Variants in SYT1 observed in about 807,000 individuals in gnomAD.
SYT1 encodes the protein synaptotagmin 1.
SYT1 carries 8 observed loss-of-function variants against 44.8 expected under a neutral mutation model. The observed-to-expected ratio is 0.18, with a 90% confidence interval of 0.10 to 0.32. The LOEUF (loss-of-function observed/expected upper bound fraction) is 0.32, where lower values mean the gene tolerates loss of function less well. Among genes scored for constraint, SYT1 ranks in the 10% least tolerant of loss-of-function variants. SYT1 has a pLI of 1.00. For missense variants in SYT1, 286 were observed against 509.3 expected (o/e 0.56, Z 4.22); for synonymous variants, 154 against 188.8 (o/e 0.82, Z 1.51).
chr12:79,139,196 G>A (rs1036062856), intron 3 of SYT1, among the ~76,000 whole-genome samples: 4 of 152,128 alleles, frequency 2.6e-5, no homozygotes, highest in African/African-American at 7.2e-5. Context: ...TCGGTTTGAG[G>A]TTGAAAGGTT....
intron 1 of SYT1, among the ~76,000 whole-genome samples, chr12:78,887,964 G>T (rs758140042): frequency 1.2e-4 from 18 of 151,624 alleles, no homozygotes; most frequent in Non-Finnish European, 2.5e-4. Context: ...TTTCTAAAGA[G>T]GACTGCTCAA....
At chr12:79,211,633 T>C (rs1176621249) in intron 3 of SYT1, among the ~76,000 whole-genome samples, 1 of 134,356 alleles carries the variant, frequency 7.4e-6, no homozygotes, top group African/African-American at 2.8e-5. Context: ...ATATTCCCCT[T>C]CCTGTGTCCA....
At chr12:79,430,508 G>A (rs952194882) in intron 9 of SYT1, among the ~76,000 whole-genome samples, 10 of 152,146 alleles carry the variant, frequency 6.6e-5, no homozygotes, top group Non-Finnish European at 1.0e-4. Context: ...TAGGAAAGCC[G>A]GGCATGGTGG....
intron 3 of SYT1, among the ~76,000 whole-genome samples, chr12:79,099,695 C>T (rs1363849015): frequency 6.6e-6 from 1 of 151,752 alleles, no homozygotes; most frequent in Admixed American, 6.6e-5. Flanking sequence ...GTGTTAAAAA[C>T]AAACACTGGT....
At chr12:78,931,234 AGAAAGAAGGAAGGAAGGAAGGAAGGAAG>A (rs1877663736) in intron 1 of SYT1, among the ~76,000 whole-genome samples, 7 of 51,428 alleles carry the variant, frequency 1.4e-4, no homozygotes, top group Non-Finnish European at 1.6e-4. Flanking sequence ...AAAGAAAGAA[AGAAAGAAGGAAGGAAGGAAGGAAGGAAG>A]GAAGGAAGGA....
intron 1 of SYT1, among the ~76,000 whole-genome samples, chr12:78,878,148 G>A (rs985950722): frequency 6.6e-6 from 1 of 151,544 alleles, no homozygotes; most frequent in Non-Finnish European, 1.5e-5. Context: ...TTTTTTGTGT[G>A]TGTGTGTGTG....
intron 3 of SYT1, among the ~76,000 whole-genome samples, chr12:79,102,735 T>C (rs1878512406): frequency 1.3e-5 from 2 of 152,166 alleles, no homozygotes; most frequent in East Asian, 3.9e-4. Flanking sequence ...TTGGCTGTCA[T>C]TGATATTTGT....
At chr12:79,137,039 G>A (rs1266071824) in intron 3 of SYT1, among the ~76,000 whole-genome samples, 1 of 151,692 alleles carries the variant, frequency 6.6e-6, no homozygotes, top group African/African-American at 2.4e-5. Context: ...AAACAGTTAG[G>A]TCTAACATTT....
chr12:79,126,920 ACAT>A (rs1868479030), intron 3 of SYT1, among the ~76,000 whole-genome samples: 2 of 152,204 alleles, frequency 1.3e-5, no homozygotes, highest in South Asian at 4.1e-4. Flanking sequence ...GAGAATTAAC[ACAT>A]CATGCTTGTT....
At chr12:79,173,910 C>T (rs1397882424) in intron 3 of SYT1, among the ~76,000 whole-genome samples, 2 of 151,976 alleles carry the variant, frequency 1.3e-5, no homozygotes, top group Admixed American at 6.6e-5. Context: ...CTTAATGTGG[C>T]ATTCTATGAA....
At chr12:78,972,754 A>C (rs1257399310) in intron 1 of SYT1, among the ~76,000 whole-genome samples, 1 of 151,744 alleles carries the variant, frequency 6.6e-6, no homozygotes, top group Non-Finnish European at 1.5e-5. Context: ...ACTTATTTCT[A>C]TGCCATAACA....
chr12:79,245,236 C>G (rs967128646), intron 4 of SYT1, among the ~76,000 whole-genome samples: 1 of 148,144 alleles, frequency 6.8e-6, no homozygotes, highest in Non-Finnish European at 1.5e-5. Flanking sequence ...AAGGCCGAGG[C>G]GGGCGGATCA....
chr12:78,884,531 G>A (rs952826242), intron 1 of SYT1, among the ~76,000 whole-genome samples: 2 of 151,522 alleles, frequency 1.3e-5, no homozygotes, highest in African/African-American at 4.8e-5. Flanking sequence ...CTTTCATACT[G>A]CAAAGTATCC....
intron 1 of SYT1, among the ~76,000 whole-genome samples, chr12:78,910,757 A>G (rs1002487560): frequency 6.6e-6 from 1 of 152,040 alleles, no homozygotes; most frequent in African/African-American, 2.4e-5. Flanking sequence ...GAGAGCTCAT[A>G]GTAAGGAAAC....
intron 3 of SYT1, among the ~76,000 whole-genome samples, chr12:79,056,285 T>G (rs1466676932): frequency 2.0e-5 from 3 of 152,058 alleles, no homozygotes; most frequent in African/African-American, 7.2e-5. Flanking sequence ...GTTGGAAATC[T>G]TTAACACAAG....
At chr12:79,340,058 G>A (rs1219470013) in intron 8 of SYT1, among the ~76,000 whole-genome samples, 3 of 152,214 alleles carry the variant, frequency 2.0e-5, no homozygotes, top group Non-Finnish European at 4.4e-5. Flanking sequence ...GTACCATGCT[G>A]TTTTGGTTAC....
intron 2 of SYT1, chr12:79,036,624 A>G (rs1165200095): frequency 6.6e-6 from 1 of 151,860 alleles, no homozygotes; most frequent in African/African-American, 2.4e-5. Context: ...ACCTATATCA[A>G]TAGTACATGT....
chr12:78,990,869 G>T (rs1030940523), intron 2 of SYT1, among the ~76,000 whole-genome samples: 1 of 152,144 alleles, frequency 6.6e-6, no homozygotes, highest in Non-Finnish European at 1.5e-5. Flanking sequence ...TGCAGCTCAA[G>T]CTCACTTGTG....
intron 1 of SYT1, among the ~76,000 whole-genome samples, chr12:78,941,937 T>C (rs537992995): frequency 4.6e-5 from 7 of 152,228 alleles, no homozygotes; most frequent in East Asian, 3.9e-4. Flanking sequence ...TTTCCTCTTA[T>C]GTAAAACCTT....
Sources: allele counts gnomAD v4.1 joint callset (sites outside exome capture counted in the v4.1 genomes callset), GRCh38; gene constraint gnomAD v4.1.1; transcripts MANE v1.5; gene names NCBI Gene and HGNC (gene_info 2026-07-23, HGNC 2026-07-21).